The following ADCY9 variants were observed in gnomAD, a reference collection of about 807,000 sequenced individuals.
The protein encoded by ADCY9 is adenylate cyclase type 9.
In ADCY9, 50 loss-of-function variants were observed where a neutral mutation model predicts 101.5. That is an observed-to-expected ratio of 0.49 (90% CI 0.39 to 0.62). The LOEUF is 0.62. Among genes scored for constraint, ADCY9 ranks in the 20% least tolerant of loss-of-function variants. The probability of loss-of-function intolerance (pLI) is 0.00; values close to 1 mark genes in which losing one functional copy is unlikely to be tolerated. For missense variants in ADCY9, 1,662 were observed against 1,800.4 expected, an observed-to-expected ratio of 0.92 and a Z score of 1.39; for synonymous variants, 905 against 769.3, an observed-to-expected ratio of 1.18 and a Z score of -2.92.
At chr16:4,107,061 G>A (rs1364622409) in intron 2 of ADCY9, among the ~76,000 whole-genome samples, 1 of 152,166 alleles carries the variant, frequency 6.6e-6, no homozygotes, top group African/African-American at 2.4e-5. Flanking sequence ...AGAATTAACA[G>A]CTGTGTCCTT....
intron 2 of ADCY9, among the ~76,000 whole-genome samples, chr16:4,037,058 G>A (rs1597182226): frequency 2.0e-5 from 3 of 152,134 alleles, no homozygotes; most frequent in Non-Finnish European, 2.9e-5. Context: ...GCTCATGCCT[G>A]TAACTCCAGA....
At chr16:4,103,985 C>T (rs908474079) in intron 2 of ADCY9, among the ~76,000 whole-genome samples, 1 of 152,164 alleles carries the variant, frequency 6.6e-6, no homozygotes, top group Non-Finnish European at 1.5e-5. Flanking sequence ...CAAAGCACAG[C>T]GGTCCTGGAG....
At chr16:4,101,240 G>A (rs1481560831) in intron 2 of ADCY9, among the ~76,000 whole-genome samples, 1 of 150,132 alleles carries the variant, frequency 6.7e-6, no homozygotes, top group Non-Finnish European at 1.5e-5. Context: ...AACCCTATCT[G>A]TAATACAGTC....
chr16:4,100,179 C>A (rs1312612068), intron 2 of ADCY9, among the ~76,000 whole-genome samples: 1 of 152,004 alleles, frequency 6.6e-6, no homozygotes, highest in Non-Finnish European at 1.5e-5. Context: ...CTCTCTCACT[C>A]TCTCTCTCTC....
At chr16:4,014,786 T>TCC (rs1254896946) in intron 2 of ADCY9, among the ~76,000 whole-genome samples, 1 of 150,156 alleles carries the variant, frequency 6.7e-6, no homozygotes, top group Non-Finnish European at 1.5e-5. Context: ...GCATTCTCTC[T>TCC]CTCTCTCCCT....
chr16:4,035,998 C>CAAAAAAAAAAAAAAAAAAAA (rs55792873), intron 2 of ADCY9, among the ~76,000 whole-genome samples: 1 of 23,168 alleles, frequency 4.3e-5, no homozygotes, highest in Non-Finnish European at 7.2e-5. Context: ...AACTCCATCT[C>CAAAAAAAAAAAAAAAAAAAA]AAAAAAAAAA....
chr16:3,970,313 G>A (rs1421164471), intron 10 of ADCY9, among the ~76,000 whole-genome samples: 3 of 152,096 alleles, frequency 2.0e-5, no homozygotes, highest in Non-Finnish European at 4.4e-5. Context: ...TTACAGGGAT[G>A]AGCCACCACG....
chr16:4,016,120 G>T (rs1033621736), intron 2 of ADCY9, among the ~76,000 whole-genome samples: 4 of 152,216 alleles, frequency 2.6e-5, no homozygotes, highest in African/African-American at 4.8e-5. Context: ...AGCTGTGAAT[G>T]TGAGGACAGT....
intron 2 of ADCY9, among the ~76,000 whole-genome samples, chr16:4,103,491 C>T (rs779072581): frequency 6.6e-5 from 10 of 152,332 alleles, no homozygotes; most frequent in Non-Finnish European, 1.3e-4. Flanking sequence ...TTGTCCTTCA[C>T]TACCCCACAC....
chr16:4,008,945 G>A (rs1266192073), intron 2 of ADCY9, among the ~76,000 whole-genome samples: 2 of 152,136 alleles, frequency 1.3e-5, no homozygotes, highest in Non-Finnish European at 1.5e-5. Flanking sequence ...CTACAACACT[G>A]ATCGACTCTG....
chr16:3,999,092 C>T (rs1054203989), intron 3 of ADCY9, among the ~76,000 whole-genome samples: 1 of 152,194 alleles, frequency 6.6e-6, no homozygotes, highest in Non-Finnish European at 1.5e-5. Flanking sequence ...CCCTGCACAG[C>T]TGCAGGCATC....
chr16:4,103,809 C>A (rs551947635), intron 2 of ADCY9, among the ~76,000 whole-genome samples: 1 of 151,786 alleles, frequency 6.6e-6, no homozygotes, highest in African/African-American at 2.4e-5. Flanking sequence ...CCAGCCCGGG[C>A]GACAGAGCGA....
At chr16:4,011,601 G>C (rs2056404774) in intron 2 of ADCY9, among the ~76,000 whole-genome samples, 1 of 152,208 alleles carries the variant, frequency 6.6e-6, no homozygotes, top group Non-Finnish European at 1.5e-5. Context: ...CTGCTGGAGG[G>C]GGCCTCGGAG....
chr16:4,096,492 C>T (rs2057004862), intron 2 of ADCY9, among the ~76,000 whole-genome samples: 2 of 152,150 alleles, frequency 1.3e-5, no homozygotes, highest in Middle Eastern at 3.2e-3. Context: ...TATAAAAGTG[C>T]TTCCCTTTCA....
chr16:4,105,550 T>G (rs923538993), intron 2 of ADCY9, among the ~76,000 whole-genome samples: 2 of 151,534 alleles, frequency 1.3e-5, no homozygotes, highest in African/African-American at 4.8e-5. Flanking sequence ...CATGGTGGCA[T>G]GCATCTGTAA....
intron 10 of ADCY9, among the ~76,000 whole-genome samples, chr16:3,968,564 G>A (rs1036678972): frequency 2.6e-5 from 4 of 152,122 alleles, no homozygotes; most frequent in Non-Finnish European, 5.9e-5. Flanking sequence ...TCTTTTTGCC[G>A]AAATCACTCA....
rs2056102426 is a variant in ADCY9 at position 3,977,518 on chromosome 16, G to A, written c.2792C>T (p.Pro931Leu). 2 of 1,586,688 alleles carry A rather than the reference G, an allele frequency of 1.3e-6. No individual in the cohort carries two copies. Among genetic ancestry groups the A allele is most frequent in the Non-Finnish European group, 1.7e-6 (2 of 1,166,692 alleles). The change falls in exon 9 of 11, where the codon CCG (proline) becomes CTG (leucine). Residue 931 changes from proline to leucine, a missense_variant. By Grantham distance (98) the Pro-to-Leu change is moderately conservative (BLOSUM62 -3). Transcript: ENST00000294016. ...CAGGGAGACGTAGAGCAGGAGCAGCGGCCCGGCCCCCACGACGGTGGCGAG... is the reference window on the plus strand; with the variant it reads ...CAGGGAGACGTAGAGCAGGAGCAGCAGCCCGGCCCCCACGACGGTGGCGAG... ...SSLATVVGAG[P>L]LLLLYVSLCP...
chr16:4,088,368 T>C (rs2056952913), intron 2 of ADCY9, among the ~76,000 whole-genome samples: 1 of 151,988 alleles, frequency 6.6e-6, no homozygotes, highest in African/African-American at 2.4e-5. Context: ...CTCAGCTCAC[T>C]GTAGCCTCAA....
intron 6 of ADCY9, among the ~76,000 whole-genome samples, chr16:3,985,343 T>C (rs2056182616): frequency 6.6e-6 from 1 of 152,122 alleles, no homozygotes; most frequent in Non-Finnish European, 1.5e-5. Flanking sequence ...TTTCACCAAG[T>C]TGGCTAGGAT....
Sources: gnomAD v4.1 joint callset for allele counts (sites outside exome capture counted in the v4.1 genomes callset) on GRCh38, gnomAD v4.1.1 for gene constraint, MANE v1.5 for transcripts, NCBI Gene and HGNC (gene_info 2026-07-23, HGNC 2026-07-21) for gene names.